COL10A1: variants seen among roughly 807,000 people sequenced by gnomAD.
The protein encoded by COL10A1 is collagen type X alpha 1 chain.
COL10A1 carries 10 observed loss-of-function variants against 18.2 expected under a neutral mutation model. The ratio of observed to expected loss-of-function variants is 0.55; its 90% CI spans 0.34 to 0.93. The LOEUF is 0.93. Among genes scored for constraint, COL10A1 ranks in the 40% least tolerant of loss-of-function variants. The probability of loss-of-function intolerance (pLI) is 0.02; values close to 1 mark genes in which losing one functional copy is unlikely to be tolerated. For synonymous variants in COL10A1, 330 were observed against 316.6 expected (o/e 1.04, Z -0.45); for missense variants, 897 against 853.5 (o/e 1.05, Z -0.64).
At chr6:116,151,925 T>G (rs1214059856) in intron 1 of COL10A1, among the ~76,000 whole-genome samples, 3 of 152,236 alleles carry the variant, frequency 2.0e-5, no homozygotes, top group African/African-American at 7.2e-5. Context: ...TTCTGAAGTT[T>G]TATAAGAACA....
chr6:116,152,025 A>T (rs565765992), intron 1 of COL10A1, among the ~76,000 whole-genome samples: 61 of 152,322 alleles, frequency 4.0e-4, no homozygotes, highest in African/African-American at 1.4e-3. Context: ...ATGCAGGATT[A>T]TAGTAACCTG....
the COL10A1 span, among the ~76,000 whole-genome samples, chr6:116,166,926 A>G: frequency 6.6e-6 from 1 of 152,208 alleles, no homozygotes; most frequent in Non-Finnish European, 1.5e-5. Flanking sequence ...AATTGAGCCA[A>G]GGAAGTATCT....
chr6:116,206,680 A>C, the COL10A1 span, among the ~76,000 whole-genome samples: 1 of 151,912 alleles, frequency 6.6e-6, no homozygotes, highest in African/African-American at 2.4e-5. Context: ...CTGCTCCATA[A>C]TGATTTAATT....
intron 1 of COL10A1, among the ~76,000 whole-genome samples, chr6:116,153,822 C>T (rs1467953558): frequency 6.6e-6 from 1 of 151,932 alleles, no homozygotes; most frequent in Non-Finnish European, 1.5e-5. Context: ...AGTATTGTTT[C>T]CTTACCTTCT....
At chr6:116,195,874 A>G in the COL10A1 span, among the ~76,000 whole-genome samples, 25 of 152,160 alleles carry the variant, frequency 1.6e-4, no homozygotes, top group African/African-American at 6.0e-4. Flanking sequence ...AGAAGAGACC[A>G]AAAAGCTATT....
At chr6:116,152,675 C>A (rs1780075744) in intron 1 of COL10A1, among the ~76,000 whole-genome samples, 1 of 152,098 alleles carries the variant, frequency 6.6e-6, no homozygotes, top group Admixed American at 6.6e-5. Flanking sequence ...TTCTTCAGCC[C>A]TACTGTATCT....
chr6:116,189,110 A>C, the COL10A1 span, among the ~76,000 whole-genome samples: 1 of 152,008 alleles, frequency 6.6e-6, no homozygotes, highest in South Asian at 2.1e-4. Flanking sequence ...TATTTTAATC[A>C]AGTTGAAATG....
intron 2 of COL10A1, among the ~76,000 whole-genome samples, chr6:116,124,233 A>C (rs532628600): frequency 6.6e-6 from 1 of 152,212 alleles, no homozygotes; most frequent in South Asian, 2.1e-4. Context: ...CAAAAGCATA[A>C]TATTTAAACT....
the COL10A1 span, among the ~76,000 whole-genome samples, chr6:116,165,014 G>A: frequency 8.1e-5 from 12 of 148,852 alleles, no homozygotes; most frequent in East Asian, 2.0e-4. Flanking sequence ...GGAGAATGGC[G>A]TGAACCTGGG....
chr6:116,147,809 G>A (rs1779936423), intron 1 of COL10A1, among the ~76,000 whole-genome samples: 1 of 152,170 alleles, frequency 6.6e-6, no homozygotes, highest in East Asian at 1.9e-4. Flanking sequence ...ACCATTGTTT[G>A]TAATAGCAGA....
the COL10A1 span, among the ~76,000 whole-genome samples, chr6:116,182,222 A>AGAGAGAGAGTGTGTGT: frequency 8.8e-5 from 11 of 124,688 alleles, no homozygotes; most frequent in South Asian, 1.4e-3. Flanking sequence ...TTCCATGGAG[A>AGAGAGAGAGTGTGTGT]GTGTGTGTGT....
At chr6:116,162,602 C>G (rs1325430884), upstream of COL10A1, among the ~76,000 whole-genome samples, 1 of 152,110 alleles carries the variant, frequency 6.6e-6, no homozygotes, top group African/African-American at 2.4e-5. Flanking sequence ...GTTGAACCAT[C>G]CTTGTGTTCC....
the COL10A1 span, among the ~76,000 whole-genome samples, chr6:116,169,539 G>A: frequency 0.026 from 3,963 of 152,256 alleles, 157 homozygotes; most frequent in African/African-American, 0.09. Flanking sequence ...CAAGCCTTTT[G>A]AGGATTTTAG....
At chr6:116,195,459 G>A in the COL10A1 span, among the ~76,000 whole-genome samples, 1 of 151,772 alleles carries the variant, frequency 6.6e-6, no homozygotes, top group East Asian at 1.9e-4. Flanking sequence ...GTTGGTCATG[G>A]CCAAATTGTG....
the COL10A1 span, among the ~76,000 whole-genome samples, chr6:116,165,129 G>A: frequency 1.4e-5 from 2 of 146,960 alleles, no homozygotes; most frequent in Non-Finnish European, 3.0e-5. Context: ...TTATTGGCTG[G>A]CATTATTTTT....
chr6:116,132,444 GTTTA>G (rs1019736109), intron 1 of COL10A1, among the ~76,000 whole-genome samples: 17 of 149,922 alleles, frequency 1.1e-4, no homozygotes, highest in African/African-American at 3.7e-4. Flanking sequence ...ATTTTTCCCA[GTTTA>G]TTTGTCTTTT....
At chr6:116,179,477 A>G in the COL10A1 span, among the ~76,000 whole-genome samples, 1 of 152,172 alleles carries the variant, frequency 6.6e-6, no homozygotes, top group East Asian at 1.9e-4. Flanking sequence ...TAGGCTAAGA[A>G]CCCGAATAGA....
At chr6:116,143,749 AG>A (rs1779822140) in intron 1 of COL10A1, among the ~76,000 whole-genome samples, 1 of 152,190 alleles carries the variant, frequency 6.6e-6, no homozygotes, top group Non-Finnish European at 1.5e-5. Context: ...GGATAAGCCT[AG>A]GAAGTAAGTT....
At chr6:116,162,054 A>G (rs1780347656), upstream of COL10A1, among the ~76,000 whole-genome samples, 1 of 151,904 alleles carries the variant, frequency 6.6e-6, no homozygotes, top group Admixed American at 6.6e-5. Flanking sequence ...AATGAGATTG[A>G]GTTTTTTATT....
Sources: gnomAD v4.1 joint callset for allele counts (sites outside exome capture counted in the v4.1 genomes callset) on GRCh38, gnomAD v4.1.1 for gene constraint, MANE v1.5 for transcripts, NCBI Gene and HGNC (gene_info 2026-07-23, HGNC 2026-07-21) for gene names.